Variants in SPOCK3 observed in about 807,000 individuals in gnomAD.
SPOCK3 encodes the protein testican-3.
Under a neutral mutation model 56.6 loss-of-function variants are expected in SPOCK3, and 30 were observed. The observed-to-expected ratio is 0.53, with a 90% CI of 0.40 to 0.72. The LOEUF (loss-of-function observed/expected upper bound fraction) is 0.72, where lower values mean the gene tolerates loss of function less well. SPOCK3 is among the 30% of genes least tolerant of loss of function. SPOCK3 has a pLI of 0.00. For missense variants in SPOCK3, 527 were observed against 530.0 expected (o/e 0.99, Z 0.06); for synonymous variants, 196 against 183.3 (o/e 1.07, Z -0.56).
chr4:167,171,501 C>T (rs1339579723), intron 2 of SPOCK3, among the ~76,000 whole-genome samples: 2 of 151,960 alleles, frequency 1.3e-5, no homozygotes, highest in Non-Finnish European at 2.9e-5. Flanking sequence ...CTTAATCAGG[C>T]CTTATTTTAG....
intron 5 of SPOCK3, among the ~76,000 whole-genome samples, chr4:166,891,012 T>G (rs58067436): frequency 0.023 from 3,495 of 152,142 alleles, 148 homozygotes; most frequent in African/African-American, 0.079. Context: ...TGTAATGCCC[T>G]TCTTTGTCAT....
intron 7 of SPOCK3, among the ~76,000 whole-genome samples, chr4:166,787,375 A>G (rs573515412): frequency 6.6e-6 from 1 of 152,188 alleles, no homozygotes; most frequent in Non-Finnish European, 1.5e-5. Context: ...CTATTTTGAC[A>G]CTAAATATAA....
intron 6 of SPOCK3, among the ~76,000 whole-genome samples, chr4:166,833,746 C>G (rs1746327417): frequency 6.6e-6 from 1 of 152,160 alleles, no homozygotes; most frequent in South Asian, 2.1e-4. Flanking sequence ...ATCTCTTAGT[C>G]TTGCCTGGTG....
chr4:166,800,413 G>T lies in SPOCK3; in HGVS notation c.590-8124C>A, dbSNP rs62355246. ...AGGTACTCCAGAAGAATACCAGAAGGTATTTCAGAAGGAGGCATTGTTATC... is the reference window on the plus strand; with the variant it reads ...AGGTACTCCAGAAGAATACCAGAAGTTATTTCAGAAGGAGGCATTGTTATC... On this transcript the variant is annotated intron_variant, in intron 6 of 10. Coordinates refer to ENST00000357545, the MANE Select transcript of SPOCK3 (RefSeq NM_001040159.2). Among the ~76,000 whole-genome samples the T allele has an allele frequency of 4.5e-3, 691 of 152,098 alleles. 2 individuals carry two copies. Among genetic ancestry groups the T allele is most frequent in the Non-Finnish European group, 7.6e-3 (514 of 67,994 alleles).
At chr4:167,170,442 G>C (rs950977362) in intron 2 of SPOCK3, among the ~76,000 whole-genome samples, 1 of 152,140 alleles carries the variant, frequency 6.6e-6, no homozygotes, top group African/African-American at 2.4e-5. Context: ...ACTTTTCTAA[G>C]CAGAGATAAT....
chr4:167,174,501 G>A (rs564508050), intron 2 of SPOCK3, among the ~76,000 whole-genome samples: 2 of 151,780 alleles, frequency 1.3e-5, no homozygotes, highest in South Asian at 2.1e-4. Context: ...ACAGTTCCCC[G>A]GGTTGAAACA....
intron 2 of SPOCK3, among the ~76,000 whole-genome samples, chr4:167,096,063 GCTTT>G (rs1381644546): frequency 6.6e-6 from 1 of 151,718 alleles, no homozygotes; most frequent in African/African-American, 2.4e-5. Flanking sequence ...ATAGCTATTG[GCTTT>G]CTATGTGCAA....
chr4:166,769,849 C>T (rs1483029371), intron 7 of SPOCK3, among the ~76,000 whole-genome samples: 1 of 152,142 alleles, frequency 6.6e-6, no homozygotes, highest in Admixed American at 6.5e-5. Flanking sequence ...GATGGAGCTT[C>T]CTGGCAGCTT....
intron 3 of SPOCK3, among the ~76,000 whole-genome samples, chr4:167,021,299 T>C (rs1460329760): frequency 1.3e-5 from 2 of 152,102 alleles, no homozygotes; most frequent in African/African-American, 2.4e-5. Flanking sequence ...ATAAATCTTA[T>C]ACACTTCAGA....
At chr4:167,220,598 C>T (rs1274262083) in intron 2 of SPOCK3, among the ~76,000 whole-genome samples, 1 of 150,236 alleles carries the variant, frequency 6.7e-6, no homozygotes, top group African/African-American at 2.5e-5. Flanking sequence ...TTTGCTCAGG[C>T]TGGTCTCAAA....
At chr4:166,905,086 C>T (rs1019386782) in intron 5 of SPOCK3, among the ~76,000 whole-genome samples, 5 of 151,620 alleles carry the variant, frequency 3.3e-5, no homozygotes, top group African/African-American at 1.2e-4. Flanking sequence ...TAAAAAAAGT[C>T]TTGTAATTTT....
At chr4:167,146,031 T>C (rs1256116016) in intron 2 of SPOCK3, among the ~76,000 whole-genome samples, 1 of 152,060 alleles carries the variant, frequency 6.6e-6, no homozygotes, top group African/African-American at 2.4e-5. Flanking sequence ...GGATAAAGGG[T>C]CAAGACCTAT....
At chr4:166,901,850 G>T (rs1033926130) in intron 5 of SPOCK3, among the ~76,000 whole-genome samples, 1 of 152,126 alleles carries the variant, frequency 6.6e-6, no homozygotes, top group Non-Finnish European at 1.5e-5. Flanking sequence ...TCATCCTCCT[G>T]CTTAGAGTTC....
At chr4:167,093,272 A>G (rs1758863688) in intron 2 of SPOCK3, among the ~76,000 whole-genome samples, 1 of 152,232 alleles carries the variant, frequency 6.6e-6, no homozygotes, top group South Asian at 2.1e-4. Flanking sequence ...TTGATAACCA[A>G]TTAACAGAAT....
intron 5 of SPOCK3, among the ~76,000 whole-genome samples, chr4:166,902,724 A>G (rs1422521437): frequency 6.6e-6 from 1 of 151,674 alleles, no homozygotes; most frequent in Non-Finnish European, 1.5e-5. Context: ...ATAGTTCATT[A>G]TCTTGATTGA....
intron 2 of SPOCK3, among the ~76,000 whole-genome samples, chr4:167,094,950 G>A (rs991547315): frequency 6.6e-6 from 1 of 152,090 alleles, no homozygotes; most frequent in African/African-American, 2.4e-5. Context: ...GTTTGAGTCT[G>A]AGTGGGACAA....
At chr4:167,053,080 T>G (rs2150224366) in intron 3 of SPOCK3, among the ~76,000 whole-genome samples, 1 of 152,304 alleles carries the variant, frequency 6.6e-6, no homozygotes. Context: ...TGAATGTTAT[T>G]ATATGTGAGA....
At chr4:167,061,968 A>C (rs969753555) in intron 3 of SPOCK3, among the ~76,000 whole-genome samples, 3 of 151,820 alleles carry the variant, frequency 2.0e-5, no homozygotes, top group Non-Finnish European at 2.9e-5. Context: ...TTCCTTTTAA[A>C]GGTAAGTTAA....
chr4:166,750,419 G>T (rs997577533), intron 8 of SPOCK3, among the ~76,000 whole-genome samples: 1 of 152,088 alleles, frequency 6.6e-6, no homozygotes, highest in African/African-American at 2.4e-5. Flanking sequence ...CAATGTGTTT[G>T]CTACCAACGA....
Sources: gnomAD v4.1 joint callset for allele counts (sites outside exome capture counted in the v4.1 genomes callset) on GRCh38, gnomAD v4.1.1 for gene constraint, MANE v1.5 for transcripts, NCBI Gene and HGNC (gene_info 2026-07-23, HGNC 2026-07-21) for gene names.